MFSD8: variants seen among roughly 807,000 people sequenced by gnomAD.
The protein encoded by MFSD8 is major facilitator superfamily domain containing 8, also known as major facilitator superfamily domain-containing protein 8.
In MFSD8, 55 loss-of-function variants were observed where a neutral mutation model predicts 66.4. The observed-to-expected ratio is 0.83, with a 90% CI of 0.67 to 1.04. The LOEUF is 1.04. Ranked by LOEUF, MFSD8 falls within the 50% of genes least tolerant of loss-of-function variation. The pLI is 0.00. For missense variants in MFSD8, 550 were observed against 627.6 expected (o/e 0.88, Z 1.32); for synonymous variants, 202 against 212.8 (o/e 0.95, Z 0.44).
intron 9 of MFSD8, among the ~76,000 whole-genome samples, chr4:127,923,590 T>TA (rs1372752537): frequency 6.8e-6 from 1 of 146,878 alleles, no homozygotes; most frequent in African/African-American, 2.5e-5. Flanking sequence ...TTATTATTAT[T>TA]ATTATTTGAG....
At position 127,949,825 on chromosome 4, in the gene MFSD8, G is replaced by A. The variant is rs766788326; in HGVS notation, c.177C>T (p.Ser59=). The part of the protein sequence containing the change: ...SSVGFSVVMM[S]IWPYLQKIDP... ...AAACCTTTTGGAGATATGGCCATATGGACATCATCACTACAGAAAACCCTG... is the reference window on the plus strand; with the variant it reads ...AAACCTTTTGGAGATATGGCCATATAGACATCATCACTACAGAAAACCCTG... The change falls in exon 3 of 12, where the codon TCC becomes TCT. Residue 59 remains serine, a synonymous_variant. Transcript: ENST00000641686. The A allele has an allele frequency of 5.0e-6, 8 of 1,611,814 alleles. No individual in the cohort carries two copies. Among genetic ancestry groups the A allele is most frequent in the Non-Finnish European group, 6.8e-6 (8 of 1,178,834 alleles).
At chr4:127,930,024 C>T (rs59569890) in intron 9 of MFSD8, among the ~76,000 whole-genome samples, 4,575 of 152,034 alleles carry the variant, frequency 0.03, 296 homozygotes, top group East Asian at 0.26. Flanking sequence ...TGGAGGATTG[C>T]GTGAGCCCAG....
intron 1 of MFSD8, among the ~76,000 whole-genome samples, chr4:127,963,581 G>A (rs1250301680): frequency 1.3e-5 from 2 of 152,162 alleles, no homozygotes; most frequent in South Asian, 2.1e-4. Flanking sequence ...TTCGTGGTGA[G>A]TGTTACAACT....
In MFSD8 at chr4:127,965,140, A is replaced by T; in HGVS notation, c.-7T>A. The T allele has an allele frequency of 6.2e-7, 1 of 1,613,666 alleles. No homozygotes were observed. The highest frequency in any genetic ancestry group is 8.5e-7 in the Non-Finnish European group (1 of 1,179,974). ...CGTTCCGCAGGCCGGCCATAGTTAC[A>T]CTCCCTACAAGGCGTCTTGCGCCCA... On this transcript the variant is annotated 5_prime_UTR_variant, in exon 1 of 12. Coordinates refer to ENST00000641686, the MANE Select transcript of MFSD8 (RefSeq NM_001371596.2).
At chr4:127,921,259 G>C (rs550275338) in intron 11 of MFSD8, 17 of 617,004 alleles carry the variant, frequency 2.8e-5, no homozygotes, top group Non-Finnish European at 4.8e-5. Context: ...CAAGAGGTTT[G>C]AAGCCATATT....
chr4:127,950,742 C>G (rs1741797061), intron 2 of MFSD8, among the ~76,000 whole-genome samples: 1 of 151,696 alleles, frequency 6.6e-6, no homozygotes, highest in African/African-American at 2.4e-5. Context: ...TCAAGAAATT[C>G]TATAAAGCCT....
Position 127,943,462 on chromosome 4 carries a change from C to CTGCTA in MFSD8, c.439+285_439+289dup, listed in dbSNP as rs1427933203. 9.0e-6 allele frequency: 3 copies of CTGCTA among 333,422 alleles called. No homozygotes were observed. The Admixed American group carries it at 1.4e-4, about 15-fold the overall frequency. The allele number at this position is 333,422 out of a possible 1,614,324, so 20.7% of individuals were successfully genotyped here. On this transcript the variant is annotated intron_variant, in intron 4 of 11. Transcript: ENST00000641686. ...CTCGAACTCCTGGGCTCAAGAGATT[C>CTGCTA]TGCTACCTCAGTCTCCTGAGTAGCT...
intron 9 of MFSD8, among the ~76,000 whole-genome samples, chr4:127,924,014 G>A (rs2148849825): frequency 6.6e-6 from 1 of 152,252 alleles, no homozygotes. Flanking sequence ...AGTTAGGGAG[G>A]AGTCCCTCTT....
At chr4:127,951,960 C>T (rs1742048454) in intron 2 of MFSD8, among the ~76,000 whole-genome samples, 1 of 151,874 alleles carries the variant, frequency 6.6e-6, no homozygotes, top group African/African-American at 2.4e-5. Flanking sequence ...AATCTCCTGA[C>T]CTTGCAATCC....
rs768725190 is a variant in MFSD8, at chr4:127,949,790, T to C, written c.198+14A>G. 1 of 1,609,848 alleles carries C rather than the reference T, an allele frequency of 6.2e-7. No homozygotes were observed. Among genetic ancestry groups the C allele is most frequent in the African/African-American group, 1.3e-5 (1 of 74,824 alleles). ...CTGTAGCTATAAGGGAAAAATAGAT[T>C]GAAATGTACAAACCTTTTGGAGATA... On this transcript the variant is annotated intron_variant, in intron 3 of 11. Transcript: ENST00000641686.
chr4:127,940,073 A>G lies in MFSD8; in HGVS notation c.554-76T>C, dbSNP rs888560602. 7 of 1,320,694 alleles carry G rather than the reference A, an allele frequency of 5.3e-6. No individual in the cohort carries two copies. In the African/African-American group the frequency reaches 7.3e-5, roughly 14 times the overall value. The allele number at this position is 1,320,694 out of a possible 1,614,324, so 81.8% of individuals were successfully genotyped here. ...ATAAAAAAATGAAAAAGACATTTAC[A>G]ACAGAATTGGGAACAATGTTATGGA... On this transcript the variant is annotated intron_variant, in intron 5 of 11. Transcript: ENST00000641686.
In MFSD8 at chr4:127,920,436, G is replaced by T; in HGVS notation, c.*194C>A. 1 of 624,718 alleles carries T rather than the reference G, an allele frequency of 1.6e-6. No individual in the cohort carries two copies. Among genetic ancestry groups the T allele is most frequent in the Non-Finnish European group, 2.9e-6 (1 of 350,074 alleles). The allele number at this position is 624,718 out of a possible 1,614,324, so 38.7% of individuals were successfully genotyped here. A position where few individuals can be genotyped will look rare whatever the true frequency, so the allele number is the denominator to read the frequency against. On this transcript the variant is annotated 3_prime_UTR_variant, in exon 12 of 12. Coordinates refer to ENST00000641686, the MANE Select transcript of MFSD8 (RefSeq NM_001371596.2). ...TCTGAGGTAAGGAAATTATCATCTA[G>T]TATGTTTTTATATAACCTACTATTC...
At chr4:127,944,674 T>A (rs539284788) in intron 3 of MFSD8, among the ~76,000 whole-genome samples, 42 of 152,306 alleles carry the variant, frequency 2.8e-4, no homozygotes, top group African/African-American at 7.5e-4. Context: ...TTTTATTTTT[T>A]TTTTGAGACA....
intron 1 of MFSD8, chr4:127,964,795 C>G: frequency 3.5e-6 from 2 of 574,202 alleles, no homozygotes; most frequent in Non-Finnish European, 6.2e-6. Context: ...CACGCTGTCA[C>G]CTCTCAGCTT....
At chr4:127,943,544 AATG>A (rs1467314292) in intron 4 of MFSD8, 4 of 555,980 alleles carry the variant, frequency 7.2e-6, no homozygotes, top group African/African-American at 1.9e-5. Flanking sequence ...AAGGATGAAG[AATG>A]ATGAGAACAG....
At chr4:127,955,039 C>T (rs563522561) in intron 2 of MFSD8, among the ~76,000 whole-genome samples, 7 of 152,044 alleles carry the variant, frequency 4.6e-5, no homozygotes, top group Middle Eastern at 3.4e-3. Flanking sequence ...TAAAATGGTA[C>T]GGCTGCTATG....
chr4:127,940,081 T>G (rs1739889279), intron 5 of MFSD8, 84 bp from the exon 6 acceptor site: 2 of 1,257,090 alleles, frequency 1.6e-6, no homozygotes, highest in Middle Eastern at 2.6e-4. Flanking sequence ...ACAACAGAAT[T>G]GGGAACAATG....
chr4:127,942,288 TCA>T, intron 4 of MFSD8, 130 bp from the exon 5 acceptor site: 1 of 712,586 alleles, frequency 1.4e-6, no homozygotes. Context: ...CTCTTTATGA[TCA>T]CACAAAGCAT....
At chr4:127,965,351 A>G, upstream of MFSD8, 2 of 623,504 alleles carry the variant, frequency 3.2e-6, no homozygotes, top group East Asian at 2.8e-5. Flanking sequence ...CTCCCTCGGC[A>G]CGCGCCTCCC....
Sources: allele counts gnomAD v4.1 joint callset (sites outside exome capture counted in the v4.1 genomes callset), GRCh38; gene constraint gnomAD v4.1.1; transcripts MANE v1.5; gene names NCBI Gene and HGNC (gene_info 2026-07-23, HGNC 2026-07-21).